C18orf63: variants seen among roughly 807,000 people sequenced by gnomAD.
C18orf63 encodes the protein chromosome 18 open reading frame 63.
A neutral mutation model predicts 75.3 loss-of-function variants in C18orf63; 50 were observed. The observed-to-expected ratio is 0.66, with a 90% CI of 0.53 to 0.84. C18orf63 has a LOEUF of 0.84. Among genes scored for constraint, C18orf63 ranks in the 40% least tolerant of loss-of-function variants. The pLI is 0.00. For missense variants in C18orf63, 732 were observed against 800.2 expected, an observed-to-expected ratio of 0.91 and a Z score of 1.03; for synonymous variants, 232 against 267.6, an observed-to-expected ratio of 0.87 and a Z score of 1.30.
rs1478873903 is a variant in C18orf63, at chr18:74,354,562, G to C, written c.*33+16G>C. 1 of 1,198,464 alleles carries C rather than the reference G, an allele frequency of 8.3e-7. No homozygotes were observed. The highest frequency in any genetic ancestry group is 2.5e-5 in the East Asian group (1 of 39,364). The allele number at this position is 1,198,464 out of a possible 1,614,324, so 74.2% of individuals were successfully genotyped here. A position where few individuals can be genotyped will look rare whatever the true frequency, so the allele number is the denominator to read the frequency against. On this transcript the variant is annotated intron_variant, in intron 13 of 13. Coordinates refer to ENST00000579455, the MANE Select transcript of C18orf63 (RefSeq NM_001174123.2). ...TGTCTACCAGGTAACTGAAGTGATA[G>C]CTTTTGATTTGTTTTTACATTATCT... is the stretch of plus-strand genomic sequence containing the variant.
At chr18:74,317,022 T>C (rs1984038303) in intron 1 of C18orf63, among the ~76,000 whole-genome samples, 1 of 152,232 alleles carries the variant, frequency 6.6e-6, no homozygotes, top group Non-Finnish European at 1.5e-5. Flanking sequence ...TTGCCAGCAT[T>C]CCTCAGATGA....
At position 74,357,961 on chromosome 18, in the gene C18orf63, T is replaced by G. The variant is rs1287677612; in HGVS notation, c.*1514T>G. The G allele has an allele frequency of 1.3e-5, 2 of 152,182 alleles. No individual in the cohort carries two copies. Among genetic ancestry groups the G allele is most frequent in the Non-Finnish European group, 2.9e-5 (2 of 68,036 alleles). 9.4% of individuals were successfully genotyped at this position (152,182 alleles called of 1,614,324 possible). ...ATGGTGAAAATAACATTAGTAAATA[T>G]GCATTTTTGATGAGCACAGTCATCC... On this transcript the variant is annotated 3_prime_UTR_variant, in exon 14 of 14. Coordinates refer to ENST00000579455, the MANE Select transcript of C18orf63 (RefSeq NM_001174123.2).
At chr18:74,345,782 A>G (rs1315830166) in intron 11 of C18orf63, among the ~76,000 whole-genome samples, 1 of 152,044 alleles carries the variant, frequency 6.6e-6, no homozygotes, top group Non-Finnish European at 1.5e-5. Context: ...CACCAGCACC[A>G]TGCTTTTAGA....
chr18:74,327,866 TGGGCA>T, intron 4 of C18orf63, 76 bp from the exon 5 acceptor site: 1 of 803,480 alleles, frequency 1.2e-6, no homozygotes, highest in Non-Finnish European at 2.0e-6. Context: ...GTGATCTAAA[TGGGCA>T]GTCATTTCCT....
chr18:74,339,086 CATT>C (rs1046664857), intron 8 of C18orf63, among the ~76,000 whole-genome samples: 2 of 151,786 alleles, frequency 1.3e-5, no homozygotes, highest in African/African-American at 2.4e-5. Flanking sequence ...CTAAATTTCT[CATT>C]ATAAAATGAA....
chr18:74,330,646 C>A (rs988097674), intron 6 of C18orf63, among the ~76,000 whole-genome samples: 1 of 152,022 alleles, frequency 6.6e-6, no homozygotes, highest in Non-Finnish European at 1.5e-5. Flanking sequence ...CTGCACCCCC[C>A]ACACACATTC....
rs1195904629 is a variant in C18orf63 at position 74,338,963 on chromosome 18, G to A, written c.611+139G>A. On this transcript the variant is annotated intron_variant, in intron 8 of 13. Transcript: ENST00000579455. ...AATACTGAATTATGACTTCACAAAG[G>A]TATTGAAACAATATTGTCATATTTA... 11 of 394,946 alleles carry A rather than the reference G, an allele frequency of 2.8e-5. No individual in the cohort carries two copies. The East Asian group carries it at 3.6e-4, about 13-fold the overall frequency. 24.5% of individuals were successfully genotyped at this position (394,946 alleles called of 1,614,324 possible). A position where few individuals can be genotyped will look rare whatever the true frequency, so the allele number is the denominator to read the frequency against.
chr18:74,323,583 G>A (rs925339848), intron 4 of C18orf63, among the ~76,000 whole-genome samples: 2 of 152,174 alleles, frequency 1.3e-5, no homozygotes, highest in African/African-American at 4.8e-5. Context: ...CCATTTACAA[G>A]CTAGCTATGA....
chr18:74,355,460 C>T (rs1984748043), intron 13 of C18orf63, among the ~76,000 whole-genome samples: 1 of 151,292 alleles, frequency 6.6e-6, no homozygotes, highest in African/African-American at 2.5e-5. Context: ...CCACTTTGAA[C>T]TACTTAAGTC....
chr18:74,331,583 G>C (rs1448607870), intron 7 of C18orf63, among the ~76,000 whole-genome samples: 1 of 152,164 alleles, frequency 6.6e-6, no homozygotes, highest in Admixed American at 6.6e-5. Flanking sequence ...AGTGGAGGAA[G>C]GATGGTGTTG....
At position 74,333,651 on chromosome 18, in the gene C18orf63, C is replaced by A. The variant is rs573394214; in HGVS notation, c.501+2709C>A. ...AACTGCCCCCATGAGTAAATTACCT[C>A]CCACTGGGTCCCTCCCACAACATGT... On this transcript the variant is annotated intron_variant, in intron 7 of 13. Transcript: ENST00000579455. Among the ~76,000 whole-genome samples the A allele has an allele frequency of 3.3e-5, 5 of 152,262 alleles. No homozygotes were observed. In the South Asian group the frequency reaches 1.0e-3, roughly 32 times the overall value.
At chr18:74,331,564 G>T (rs1984307829) in intron 7 of C18orf63, among the ~76,000 whole-genome samples, 1 of 152,100 alleles carries the variant, frequency 6.6e-6, no homozygotes. Flanking sequence ...AGACAATTTT[G>T]GTTATCACAG....
At chr18:74,345,014 G>A (rs912110735) in intron 11 of C18orf63, among the ~76,000 whole-genome samples, 3 of 152,096 alleles carry the variant, frequency 2.0e-5, no homozygotes, top group Non-Finnish European at 4.4e-5. Flanking sequence ...CCCCAAAGCA[G>A]TATAGGAGAA....
rs539316258 is a variant in C18orf63 at position 74,349,172 on chromosome 18, T to C, written c.979-4074T>C. ...GTGGGTGTTCTTTGCTTTTCTATAA[T>C]TCATTTTAATTCTTTAACTTTTTTT... On this transcript the variant is annotated intron_variant, in intron 11 of 13. Transcript: ENST00000579455. 2.3e-4 allele frequency among the ~76,000 whole-genome samples: 35 copies of C among 152,306 alleles called. 1 individual carries two copies. The South Asian group carries it at 7.2e-3, about 32-fold the overall frequency.
chr18:74,343,353 A>G (rs933688856), intron 10 of C18orf63, among the ~76,000 whole-genome samples, 166 bp from the exon 11 acceptor site: 2 of 152,178 alleles, frequency 1.3e-5, no homozygotes, highest in African/African-American at 4.8e-5. Context: ...TCCCTGTGAG[A>G]AAACATACTT....
chr18:74,346,273 G>C (rs1334395065), intron 11 of C18orf63, among the ~76,000 whole-genome samples: 1 of 152,076 alleles, frequency 6.6e-6, no homozygotes, highest in Non-Finnish European at 1.5e-5. Flanking sequence ...TCAGTCAGTT[G>C]CTGAGAAGTG....
At chr18:74,342,807 A>AT (rs1213045003) in intron 10 of C18orf63, among the ~76,000 whole-genome samples, 1 of 152,114 alleles carries the variant, frequency 6.6e-6, no homozygotes, top group Non-Finnish European at 1.5e-5. Flanking sequence ...TTTAAACAAT[A>AT]TTTTTTAAAA....
chr18:74,342,320 C>T lies in C18orf63; in HGVS notation c.788C>T (p.Thr263Ile), dbSNP rs1219815307. 1.4e-5 allele frequency: 21 copies of T among 1,517,880 alleles called. No individual in the cohort carries two copies. Among genetic ancestry groups the T allele is most frequent in the Non-Finnish European group, 1.9e-5 (21 of 1,131,908 alleles). The allele number at this position is 1,517,880 out of a possible 1,614,324, so 94.0% of individuals were successfully genotyped here. ...NIYFKMLGER[T>I]FTYPLSCIRS... ...TATTTCAAAATGCTCGGAGAAAGGA[C>T]CTTCACATATCCTTTACACACCAAC... The change falls in exon 10 of 14, where the codon ACC becomes ATC. Residue 263 changes from threonine (T) to isoleucine (I), a missense_variant. Physicochemically the swap from Thr to Ile is moderately conservative, Grantham distance 89. Coordinates refer to ENST00000579455, the MANE Select transcript of C18orf63 (RefSeq NM_001174123.2).
chr18:74,328,621 A>T (rs1201890481), intron 5 of C18orf63, among the ~76,000 whole-genome samples: 1 of 152,202 alleles, frequency 6.6e-6, no homozygotes, highest in African/African-American at 2.4e-5. Context: ...ATGTTTCTTT[A>T]AAAAAATCAG....
Sources: allele counts gnomAD v4.1 joint callset (sites outside exome capture counted in the v4.1 genomes callset), GRCh38; gene constraint gnomAD v4.1.1; transcripts MANE v1.5; gene names NCBI Gene and HGNC (gene_info 2026-07-23, HGNC 2026-07-21).